ZNF346: variants seen among roughly 807,000 people sequenced by gnomAD.
ZNF346 encodes double-stranded RNA-binding zinc finger protein JAZ.
In ZNF346, 23 loss-of-function variants were observed where a neutral mutation model predicts 33.7. That is an observed-to-expected ratio of 0.68 (90% CI 0.49 to 0.97). The LOEUF (loss-of-function observed/expected upper bound fraction) is 0.97. Among genes scored for constraint, ZNF346 ranks in the 50% least tolerant of loss-of-function variants. ZNF346 has a pLI of 0.00. For missense variants in ZNF346, 340 were observed against 371.1 expected, an observed-to-expected ratio of 0.92 and a Z score of 0.69; for synonymous variants, 134 against 142.4, an observed-to-expected ratio of 0.94 and a Z score of 0.42.
intron 1 of ZNF346, among the ~76,000 whole-genome samples, chr5:177,029,763 C>A (rs1261539706): frequency 6.6e-6 from 1 of 152,138 alleles, no homozygotes; most frequent in Non-Finnish European, 1.5e-5. Context: ...CTGGTTTTTC[C>A]CTGAGTTCTG....
Position 177,041,130 on chromosome 5 carries a change from G to A in ZNF346, c.180G>A (p.Glu60=), listed in dbSNP as rs115113508. The A allele has an allele frequency of 1.9e-5, 30 of 1,613,086 alleles. No homozygotes were observed. In the African/African-American group the frequency reaches 3.1e-4, roughly 16 times the overall value. The change falls in exon 2 of 7, where the codon GAG becomes GAA. Residue 60 remains glutamate, a synonymous_variant. Coordinates refer to ENST00000358149, the MANE Select transcript of ZNF346 (RefSeq NM_012279.4). ...TTCTTGTTTTCCCCTCTATAGTGGA[G>A]CACATGATCCAGAAGAACCAATGTC... The part of the protein sequence containing the change: ...GAQPVGREEV[E]HMIQKNQCLF...
At chr5:177,069,579 G>A (rs1260523179), downstream of ZNF346, among the ~76,000 whole-genome samples, 1 of 152,140 alleles carries the variant, frequency 6.6e-6, no homozygotes, top group Non-Finnish European at 1.5e-5. Flanking sequence ...CCCCCAGGCT[G>A]GAATGCAGTG....
At chr5:177,036,302 A>G (rs1441949187) in intron 1 of ZNF346, among the ~76,000 whole-genome samples, 1 of 152,208 alleles carries the variant, frequency 6.6e-6, no homozygotes, top group Admixed American at 6.5e-5. Flanking sequence ...CATGGTGGGC[A>G]AAGGCTTTAA....
intron 1 of ZNF346, among the ~76,000 whole-genome samples, chr5:177,038,243 C>T (rs1402033124): frequency 6.7e-6 from 1 of 148,838 alleles, no homozygotes; most frequent in Non-Finnish European, 1.5e-5. Flanking sequence ...CATGCGCCAC[C>T]ATGCCCAACT....
At position 177,077,941 on chromosome 5, in the gene ZNF346, G is replaced by A. The variant is rs990698168; in HGVS notation, c.*3-1441G>A. ...GCAGGTGGATCACCTGAGGTCAGGA[G>A]CTCGAGCCCAGCCTGGTCAACATGG... On this transcript the variant is annotated intron_variant, in intron 8 of 8. Transcript: ENST00000503039. The surrounding 1 kb of genome is among the most constrained non-coding windows in gnomAD (Gnocchi z 5.0). 3.7e-4 allele frequency among the ~76,000 whole-genome samples: 56 copies of A among 152,216 alleles called. No homozygotes were observed. The highest frequency in any genetic ancestry group is 1.3e-3 in the African/African-American group (55 of 41,452).
chr5:177,025,623 GAC>G (rs35386922), intron 1 of ZNF346, among the ~76,000 whole-genome samples: 22,413 of 152,072 alleles, frequency 0.15, 2,239 homozygotes, highest in Middle Eastern at 0.25. Flanking sequence ...GTTTCCTAAA[GAC>G]TGATAATACT....
chr5:177,038,872 CTTCTTGT>C (rs1778926301), intron 1 of ZNF346, among the ~76,000 whole-genome samples: 5 of 111,754 alleles, frequency 4.5e-5, no homozygotes, highest in African/African-American at 2.1e-4. Context: ...TTTTCTTCTT[CTTCTTGT>C]GTGTGTGTGT....
At chr5:177,031,998 C>CTTTTTTTT (rs34021834) in intron 1 of ZNF346, among the ~76,000 whole-genome samples, 145 of 67,868 alleles carry the variant, frequency 2.1e-3, no homozygotes, top group East Asian at 3.6e-3. Context: ...TTTCTTTTTT[C>CTTTTTTTT]TTTTTTTTTT....
At chr5:177,023,041 T>G in intron 1 of ZNF346, 128 bp downstream of exon 1, 2 of 1,446,182 alleles carry the variant, frequency 1.4e-6, no homozygotes, top group Non-Finnish European at 9.3e-7. Flanking sequence ...ACCCCCAGAC[T>G]TGTGCTCCCC....
chr5:177,051,794 C>T (rs1025896779), intron 5 of ZNF346: 1 of 152,210 alleles, frequency 6.6e-6, no homozygotes, highest in Non-Finnish European at 1.5e-5. Context: ...GCCTCGGCCT[C>T]CCAAAGTGCT....
chr5:177,071,610 G>A (rs1158073330), downstream of ZNF346, among the ~76,000 whole-genome samples: 5 of 150,514 alleles, frequency 3.3e-5, no homozygotes, highest in Admixed American at 6.6e-5. Flanking sequence ...GCATGAACCC[G>A]GGAGGCGGAG....
intron 5 of ZNF346, among the ~76,000 whole-genome samples, chr5:177,056,698 A>C (rs1781729406): frequency 6.8e-6 from 1 of 146,772 alleles, no homozygotes; most frequent in African/African-American, 2.5e-5. Context: ...TCTCACTCAC[A>C]GGTGGGAATT....
At chr5:177,069,193 A>G (rs1783377092), downstream of ZNF346, among the ~76,000 whole-genome samples, 1 of 142,532 alleles carries the variant, frequency 7.0e-6, no homozygotes, top group South Asian at 2.2e-4. Context: ...GCAGTGGCTC[A>G]TGCCTGTAAT....
chr5:177,080,096 C>T (rs1354193177), exon 9 of ZNF346: 1 of 152,340 alleles, frequency 6.6e-6, no homozygotes, highest in African/African-American at 2.4e-5. Context: ...CCCCAGAGCT[C>T]TCCCAGGCTG....
At chr5:177,040,053 T>C (rs1779132275) in intron 1 of ZNF346, among the ~76,000 whole-genome samples, 1 of 151,800 alleles carries the variant, frequency 6.6e-6, no homozygotes, top group Non-Finnish European at 1.5e-5. Context: ...TGGTGGTGGG[T>C]GCCTGTAATC....
intron 5 of ZNF346, 32 bp from the exon 6 acceptor site, chr5:177,062,026 A>C (rs1349017905): frequency 1.3e-6 from 2 of 1,586,636 alleles, no homozygotes; most frequent in Admixed American, 1.7e-5. Flanking sequence ...TTCTTTCTGG[A>C]TTACTAAGAT....
chr5:177,026,987 T>C (rs1296423959), intron 1 of ZNF346, among the ~76,000 whole-genome samples: 1 of 152,156 alleles, frequency 6.6e-6, no homozygotes, highest in Non-Finnish European at 1.5e-5. Context: ...AGGAAGTGAT[T>C]GCTATCTCAT....
chr5:177,044,288 G>GC, intron 3 of ZNF346, 101 bp from the exon 4 acceptor site: 1 of 1,377,982 alleles, frequency 7.3e-7, no homozygotes, highest in Non-Finnish European at 1.0e-6. Context: ...ATGTGTGAGG[G>GC]GGGCCATAAA....
intron 5 of ZNF346, among the ~76,000 whole-genome samples, chr5:177,051,559 G>A (rs1581902966): frequency 1.3e-5 from 2 of 151,128 alleles, no homozygotes; most frequent in East Asian, 3.9e-4. Context: ...TGTTTTTTGA[G>A]ATGGAGTCTC....
Sources: allele counts gnomAD v4.1 joint callset (sites outside exome capture counted in the v4.1 genomes callset), GRCh38; gene constraint gnomAD v4.1.1; non-coding constraint Gnocchi (gnomAD v3.1); transcripts MANE v1.5; gene names NCBI Gene and HGNC (gene_info 2026-07-23, HGNC 2026-07-21).